Variants in OTOGL observed in about 807,000 individuals in gnomAD.
The protein encoded by OTOGL is otogelin like, also known as otogelin-like protein.
A neutral mutation model predicts 318.5 loss-of-function variants in OTOGL; 285 were observed. The ratio of observed to expected loss-of-function variants is 0.89; its 90% CI spans 0.81 to 0.99. The LOEUF (loss-of-function observed/expected upper bound fraction) is 0.99, where lower values mean the gene tolerates loss of function less well. OTOGL is among the 50% of genes least tolerant of loss of function. The probability of loss-of-function intolerance (pLI) is 0.00; values close to 1 mark genes in which losing one functional copy is unlikely to be tolerated. For missense variants in OTOGL, 2,899 were observed against 2,845.6 expected (o/e 1.02, Z -0.43); for synonymous variants, 987 against 936.5 (o/e 1.05, Z -0.99).
In OTOGL at chr12:80,366,653, G is replaced by T; in HGVS notation, c.6331+16G>T. Reference sequence around the variant, plus strand: ...TATCTCTGTGGTAACTATGTCTTTTGTAACTTTTAAATTATAAATGAATAT... The same window carrying T: ...TATCTCTGTGGTAACTATGTCTTTTTTAACTTTTAAATTATAAATGAATAT... On this transcript the variant is annotated intron_variant, in intron 53 of 58. Coordinates refer to ENST00000547103, the MANE Select transcript of OTOGL (RefSeq NM_001378609.3). 7.9e-7 allele frequency: 1 copy of T among 1,266,004 alleles called. No individual in the cohort carries two copies. The highest frequency in any genetic ancestry group is 1.0e-6 in the Non-Finnish European group (1 of 964,080). 78.4% of individuals were successfully genotyped at this position (1,266,004 alleles called of 1,614,324 possible). A position where few individuals can be genotyped will look rare whatever the true frequency, so the allele number is the denominator to read the frequency against.
In OTOGL at chr12:80,358,679, C is replaced by A. The variant is rs1288321442; in HGVS notation, c.6130C>A (p.Pro2044Thr). The A allele has an allele frequency of 4.3e-6, 7 of 1,609,410 alleles. No homozygotes were observed. Among genetic ancestry groups the A allele is most frequent in the African/African-American group, 1.3e-5 (1 of 74,862 alleles). Reference protein sequence around the residue: ...CCPQYYCVCEPNLCPMPLLNC... With the variant: ...CCPQYYCVCETNLCPMPLLNC... ...GTAATTTTTCTTTTTAGTATGTGAA[C>A]CAAACCTTTGTCCTATGCCATTACT... Residue 2044 changes from proline (P) to threonine (T), a missense_variant, in exon 51 of 59, where the codon CCA (proline) becomes ACA (threonine). This residue lies in a region of OTOGL where 2,607 missense variants were observed against 2,524.9 expected (regional missense o/e 1.03). Transcript: ENST00000547103.
chr12:80,266,200 GA>G, intron 20 of OTOGL: 1 of 467,866 alleles, frequency 2.1e-6, no homozygotes, highest in South Asian at 2.9e-5. Context: ...CTGCAAAGCT[GA>G]AAATATTTAC....
chr12:80,183,346 A>G (rs1157121660), intron 1 of OTOGL, among the ~76,000 whole-genome samples: 1 of 152,194 alleles, frequency 6.6e-6, no homozygotes, highest in Middle Eastern at 3.2e-3. Context: ...TAGATATAAG[A>G]TTTGAAGTAG....
At chr12:80,233,769 G>T (rs1184936470) in intron 9 of OTOGL, among the ~76,000 whole-genome samples, 1 of 152,164 alleles carries the variant, frequency 6.6e-6, no homozygotes, top group East Asian at 1.9e-4. Flanking sequence ...AGTGCAATAA[G>T]AAGAGAATAC....
intron 18 of OTOGL, among the ~76,000 whole-genome samples, chr12:80,259,232 T>C (rs1882320061): frequency 6.6e-6 from 1 of 151,194 alleles, no homozygotes. Flanking sequence ...AAATTAAGTG[T>C]TGGGCTTTGT....
chr12:80,142,920 C>T (rs1162130897), intron 1 of OTOGL, among the ~76,000 whole-genome samples: 1 of 152,004 alleles, frequency 6.6e-6, no homozygotes, highest in Non-Finnish European at 1.5e-5. Context: ...GAACTGGACT[C>T]ATTTTGATTT....
intron 1 of OTOGL, among the ~76,000 whole-genome samples, chr12:80,105,387 G>A (rs776933591): frequency 6.6e-6 from 1 of 152,058 alleles, no homozygotes; most frequent in African/African-American, 2.4e-5. Flanking sequence ...CCTGCCTAAG[G>A]TCACACAGCT....
At chr12:80,291,665 T>C (rs1170621460) in intron 26 of OTOGL, among the ~76,000 whole-genome samples, 1 of 152,218 alleles carries the variant, frequency 6.6e-6, no homozygotes, top group Non-Finnish European at 1.5e-5. Context: ...CTCTATAATG[T>C]CAACTTAAAT....
At chr12:80,232,622 G>A (rs1879468157) in intron 8 of OTOGL, among the ~76,000 whole-genome samples, 1 of 152,102 alleles carries the variant, frequency 6.6e-6, no homozygotes, top group Non-Finnish European at 1.5e-5. Context: ...GTTTTTGGTT[G>A]GTTCAAAGAA....
chr12:80,343,525 T>C (rs1173761547), intron 44 of OTOGL: 13 of 133,906 alleles, frequency 9.7e-5, no homozygotes, highest in African/African-American at 3.9e-4. Context: ...TTTTTTTTTT[T>C]TTTTTTTTTT....
At chr12:80,161,860 C>T (rs141494189) in intron 1 of OTOGL, among the ~76,000 whole-genome samples, 1 of 152,230 alleles carries the variant, frequency 6.6e-6, no homozygotes, top group East Asian at 1.9e-4. Flanking sequence ...GTGAGAAAAG[C>T]GTTTCCAAGT....
chr12:80,300,400 G>C (rs975392014), intron 27 of OTOGL, among the ~76,000 whole-genome samples: 2 of 152,166 alleles, frequency 1.3e-5, no homozygotes, highest in South Asian at 4.2e-4. Context: ...TCTCTGGGTG[G>C]CTGCAGAGAA....
chr12:80,343,251 G>A (rs746899028), intron 44 of OTOGL, among the ~76,000 whole-genome samples: 1 of 152,074 alleles, frequency 6.6e-6, no homozygotes, highest in Non-Finnish European at 1.5e-5. Context: ...TCCAGGCAGA[G>A]ATAACAATGC....
chr12:80,192,671 T>C (rs1428495431), intron 1 of OTOGL, among the ~76,000 whole-genome samples: 4 of 152,252 alleles, frequency 2.6e-5, no homozygotes, highest in African/African-American at 7.2e-5. Flanking sequence ...GCAAGTCTTT[T>C]TGGAGAAAAA....
At chr12:80,122,419 A>C (rs1870539675) in intron 1 of OTOGL, among the ~76,000 whole-genome samples, 1 of 152,204 alleles carries the variant, frequency 6.6e-6, no homozygotes, top group Non-Finnish European at 1.5e-5. Context: ...TGAGACTAGC[A>C]GTCAGGGAAG....
chr12:80,166,136 A>G (rs1207749016), intron 1 of OTOGL, among the ~76,000 whole-genome samples: 3 of 151,858 alleles, frequency 2.0e-5, no homozygotes, highest in Non-Finnish European at 4.4e-5. Flanking sequence ...TGAGATATTA[A>G]AGATAGCATG....
At chr12:80,100,805 T>C (rs531526600) in intron 1 of OTOGL, among the ~76,000 whole-genome samples, 2 of 152,344 alleles carry the variant, frequency 1.3e-5, no homozygotes, top group Non-Finnish European at 2.9e-5. Context: ...TTCATCTTAA[T>C]GAATAAATCC....
At chr12:80,150,618 G>T (rs1052749207) in intron 1 of OTOGL, among the ~76,000 whole-genome samples, 6 of 152,190 alleles carry the variant, frequency 3.9e-5, no homozygotes, top group Non-Finnish European at 2.9e-5. Context: ...TCAAAAGTAG[G>T]TCTTAAATTC....
intron 1 of OTOGL, among the ~76,000 whole-genome samples, chr12:80,147,778 C>G (rs138255144): frequency 0.025 from 3,782 of 152,240 alleles, 158 homozygotes; most frequent in African/African-American, 0.087. Flanking sequence ...GTTAGCTCTT[C>G]TTGTTGAATT....
Sources: gnomAD v4.1 joint callset for allele counts (sites outside exome capture counted in the v4.1 genomes callset) on GRCh38, gnomAD v4.1.1 for gene constraint, gnomAD v4.1.1 regional missense constraint, MANE v1.5 for transcripts, NCBI Gene and HGNC (gene_info 2026-07-23, HGNC 2026-07-21) for gene names.